The following RABGAP1L variants were observed in gnomAD, a reference collection of about 807,000 sequenced individuals.
RABGAP1L encodes rab GTPase-activating protein 1-like.
A neutral mutation model predicts 137.7 loss-of-function variants in RABGAP1L; 63 were observed. That is an observed-to-expected ratio of 0.46 (90% CI 0.37 to 0.56). The LOEUF is 0.56. RABGAP1L is among the 20% of genes least tolerant of loss of function. The pLI is 0.00. For synonymous variants in RABGAP1L, 431 were observed against 433.7 expected (o/e 0.99, Z 0.08); for missense variants, 1,095 against 1,244.0 (o/e 0.88, Z 1.80).
chr1:174,773,967 C>T (rs987710145), intron 18 of RABGAP1L, among the ~76,000 whole-genome samples: 1 of 152,072 alleles, frequency 6.6e-6, no homozygotes, highest in Non-Finnish European at 1.5e-5. Context: ...GCTGGTATTG[C>T]TTTTTAGAAT....
In RABGAP1L at chr1:174,612,850, A is replaced by G. The variant is rs533009762; in HGVS notation, c.1711-24525A>G. Among the ~76,000 whole-genome samples, 78 of 152,130 alleles carry G rather than the reference A, an allele frequency of 5.1e-4. 1 individual carries two copies. In the South Asian group the frequency reaches 0.011, roughly 21 times the overall value. On this transcript the variant is annotated intron_variant, in intron 13 of 25. Transcript: ENST00000681986. ...TTTTCTAGTTTATTTGCGTAGAGGTATTTGTAGTATTCTCTGATGGTAGTT... is the reference window on the plus strand; with the variant it reads ...TTTTCTAGTTTATTTGCGTAGAGGTGTTTGTAGTATTCTCTGATGGTAGTT...
At chr1:174,678,163 GA>G (rs1194150945) in intron 14 of RABGAP1L, among the ~76,000 whole-genome samples, 1 of 151,876 alleles carries the variant, frequency 6.6e-6, no homozygotes, top group Non-Finnish European at 1.5e-5. Flanking sequence ...AGCATTTTTT[GA>G]AAAACACAAA....
At chr1:174,525,316 TCCA>T (rs1240725776) in intron 13 of RABGAP1L, among the ~76,000 whole-genome samples, 3 of 152,196 alleles carry the variant, frequency 2.0e-5, no homozygotes, top group Admixed American at 6.5e-5. Flanking sequence ...TTCAATATTT[TCCA>T]TCAGTGTTTT....
intron 19 of RABGAP1L, among the ~76,000 whole-genome samples, chr1:174,884,575 A>G (rs907200458): frequency 2.0e-5 from 3 of 152,220 alleles, no homozygotes; most frequent in Admixed American, 6.5e-5. Flanking sequence ...CATCCAACCA[A>G]TCATTTGGTT....
At position 174,683,292 on chromosome 1, in the gene RABGAP1L, A is replaced by G. The variant is rs1272204376; in HGVS notation, c.1825-230A>G. Among the ~76,000 whole-genome samples the G allele has an allele frequency of 2.0e-5, 3 of 151,984 alleles. 1 individual carries two copies. The highest frequency in any genetic ancestry group is 4.4e-5 in the Non-Finnish European group (3 of 68,022). On this transcript the variant is annotated intron_variant, in intron 14 of 25. Coordinates refer to ENST00000681986, the MANE Select transcript of RABGAP1L (RefSeq NM_001366446.1). Reference sequence around the variant, plus strand: ...GGTCCTCTGAGCATCTCTTTATTTCAAAATTTTAAAGATGAACCTGGGATA... The same window carrying G: ...GGTCCTCTGAGCATCTCTTTATTTCGAAATTTTAAAGATGAACCTGGGATA...
intron 13 of RABGAP1L, among the ~76,000 whole-genome samples, chr1:174,450,321 G>A (rs1571869399): frequency 1.3e-5 from 2 of 152,124 alleles, no homozygotes; most frequent in East Asian, 3.8e-4. Flanking sequence ...TCATTTGTGT[G>A]ATATGCGTTT....
rs114546466 is a variant in RABGAP1L, at chr1:174,767,207, G to A, written c.2211+14853G>A. ...GGGCACATGTTTTCATGATCTGAGG[G>A]CTGTGTCATGGGCCATTGGTCATTT... On this transcript the variant is annotated intron_variant, in intron 18 of 25. Coordinates refer to ENST00000681986, the MANE Select transcript of RABGAP1L (RefSeq NM_001366446.1). Among the ~76,000 whole-genome samples, 594 of 152,236 alleles carry A rather than the reference G, an allele frequency of 3.9e-3. 4 individuals are homozygous for A. The highest frequency in any genetic ancestry group is 0.013 in the African/African-American group (557 of 41,534).
At chr1:174,614,284 C>G (rs560000454) in intron 13 of RABGAP1L, among the ~76,000 whole-genome samples, 2 of 152,178 alleles carry the variant, frequency 1.3e-5, no homozygotes, top group African/African-American at 2.4e-5. Context: ...ATTTGCTTGT[C>G]TGTAAAGGAG....
At chr1:174,521,375 T>C (rs1269960786) in intron 13 of RABGAP1L, among the ~76,000 whole-genome samples, 1 of 152,232 alleles carries the variant, frequency 6.6e-6, no homozygotes, top group East Asian at 1.9e-4. Context: ...GCTTATACTT[T>C]GATAGAAGAA....
chr1:174,420,677 G>GTT (rs67587872), intron 13 of RABGAP1L, among the ~76,000 whole-genome samples: 8,982 of 133,904 alleles, frequency 0.067, 1,120 homozygotes, highest in African/African-American at 0.23. Context: ...TGGGTGTTTT[G>GTT]TTTTTTTTTT....
intron 19 of RABGAP1L, among the ~76,000 whole-genome samples, chr1:174,930,166 T>G (rs975344099): frequency 6.6e-6 from 1 of 151,962 alleles, no homozygotes; most frequent in Non-Finnish European, 1.5e-5. Context: ...GTAATTTCTT[T>G]AACTCCTTTA....
At chr1:174,292,329 C>CTTTTTTTTT (rs61636433) in intron 10 of RABGAP1L, among the ~76,000 whole-genome samples, 1 of 50,598 alleles carries the variant, frequency 2.0e-5, no homozygotes, top group African/African-American at 8.1e-5. Flanking sequence ...CCTACCTAAT[C>CTTTTTTTTT]TTTTTTTTTT....
intron 19 of RABGAP1L, among the ~76,000 whole-genome samples, chr1:174,919,140 T>C (rs887162809): frequency 1.3e-5 from 2 of 151,934 alleles, no homozygotes; most frequent in African/African-American, 4.8e-5. Flanking sequence ...CGCCTCAGCC[T>C]TCCGAGTAGC....
At chr1:174,861,229 G>T (rs940663565) in intron 19 of RABGAP1L, among the ~76,000 whole-genome samples, 2 of 152,066 alleles carry the variant, frequency 1.3e-5, no homozygotes, top group African/African-American at 4.8e-5. Context: ...TTAGCATAAT[G>T]TCTTCCAGCT....
rs1396689652 is a variant in RABGAP1L at position 174,632,365 on chromosome 1, T to C, written c.1711-5010T>C. Among the ~76,000 whole-genome samples the C allele has an allele frequency of 2.0e-5, 3 of 146,370 alleles. No individual in the cohort carries two copies. In the East Asian group the frequency reaches 5.8e-4, roughly 28 times the overall value. On this transcript the variant is annotated intron_variant, in intron 13 of 25. Transcript: ENST00000681986. Reference sequence around the variant, plus strand: ...TCAACTTTGGTGAATCTGAGAATTATGTGTCTTGGAGTTGCTCTTCTCGAG... The same window carrying C: ...TCAACTTTGGTGAATCTGAGAATTACGTGTCTTGGAGTTGCTCTTCTCGAG...
chr1:174,622,102 A>C (rs1052757959), intron 13 of RABGAP1L, among the ~76,000 whole-genome samples: 1 of 152,238 alleles, frequency 6.6e-6, no homozygotes, highest in Non-Finnish European at 1.5e-5. Flanking sequence ...CACATGAAAA[A>C]ATGCTCATCA....
intron 13 of RABGAP1L, among the ~76,000 whole-genome samples, chr1:174,579,794 ACT>A (rs1457994261): frequency 6.6e-6 from 1 of 152,152 alleles, no homozygotes; most frequent in Non-Finnish European, 1.5e-5. Context: ...ATGGAATCTC[ACT>A]CTGTTGCCCA....
intron 14 of RABGAP1L, among the ~76,000 whole-genome samples, chr1:174,661,323 A>G (rs1348256167): frequency 6.6e-6 from 1 of 152,212 alleles, no homozygotes; most frequent in African/African-American, 2.4e-5. Flanking sequence ...CTTTTAGAAA[A>G]TGATCTGTTC....
intron 11 of RABGAP1L, among the ~76,000 whole-genome samples, chr1:174,315,369 T>A (rs1679270323): frequency 2.0e-5 from 3 of 152,150 alleles, no homozygotes. Context: ...CTCTTTATTC[T>A]CCGTCTATAT....
Sources: allele counts gnomAD v4.1 joint callset (sites outside exome capture counted in the v4.1 genomes callset), GRCh38; gene constraint gnomAD v4.1.1; transcripts MANE v1.5; gene names NCBI Gene and HGNC (gene_info 2026-07-23, HGNC 2026-07-21).